The following PNLIPRP3 variants were observed in gnomAD, a reference collection of about 807,000 sequenced individuals.
The protein encoded by PNLIPRP3 is pancreatic lipase related protein 3, also known as pancreatic lipase-related protein 3.
PNLIPRP3 carries 58 observed loss-of-function variants against 52.8 expected under a neutral mutation model. That is an observed-to-expected ratio of 1.10 (90% confidence interval 0.89 to 1.37). PNLIPRP3 has a LOEUF of 1.37. Ranked by LOEUF, PNLIPRP3 falls within the 40% of genes most tolerant of loss-of-function variation. The pLI is 0.00. For synonymous variants in PNLIPRP3, 192 were observed against 185.0 expected (o/e 1.04, Z -0.31); for missense variants, 593 against 561.6 (o/e 1.06, Z -0.57).
chr10:116,434,282 T>G (rs1845747427), intron 1 of PNLIPRP3, among the ~76,000 whole-genome samples: 1 of 152,152 alleles, frequency 6.6e-6, no homozygotes, highest in Admixed American at 6.5e-5. Context: ...CCATTAATAT[T>G]TTGGTACCTT....
intron 5 of PNLIPRP3, among the ~76,000 whole-genome samples, chr10:116,458,993 C>T (rs1222635778): frequency 1.3e-5 from 2 of 152,118 alleles, no homozygotes; most frequent in Non-Finnish European, 2.9e-5. Context: ...TTTTGTGGAA[C>T]TCTATCAGAC....
intron 1 of PNLIPRP3, among the ~76,000 whole-genome samples, chr10:116,431,294 G>T (rs1845706245): frequency 6.6e-6 from 1 of 152,206 alleles, no homozygotes; most frequent in East Asian, 1.9e-4. Flanking sequence ...TCTGCTCAGA[G>T]CCCTCCAGTG....
intron 10 of PNLIPRP3, among the ~76,000 whole-genome samples, chr10:116,475,902 C>CA (rs1564707178): frequency 1.3e-5 from 2 of 151,736 alleles, no homozygotes; most frequent in African/African-American, 4.8e-5. Flanking sequence ...ACCAACACAA[C>CA]AAAAAAAGGG....
chr10:116,467,623 A>G (rs1252947096), intron 8 of PNLIPRP3, among the ~76,000 whole-genome samples: 1 of 152,106 alleles, frequency 6.6e-6, no homozygotes, highest in Non-Finnish European at 1.5e-5. Context: ...TCCTTCCCCT[A>G]AGGCAGAGTT....
At chr10:116,443,795 GTGTGTGCATA>G (rs1487517854) in intron 3 of PNLIPRP3, among the ~76,000 whole-genome samples, 4 of 11,252 alleles carry the variant, frequency 3.6e-4, no homozygotes, top group African/African-American at 5.5e-4. Flanking sequence ...GTATGTATGT[GTGTGTGCATA>G]TATATATATA....
In PNLIPRP3 at chr10:116,444,733, G is replaced by A. The variant is rs1038954298; in HGVS notation, c.456+220G>A. Among the ~76,000 whole-genome samples, 3 of 152,210 alleles carry A rather than the reference G, an allele frequency of 2.0e-5. No individual in the cohort carries two copies. The South Asian group carries it at 6.2e-4, about 32-fold the overall frequency. ...CACTAGGTGGCAGTGTGTCTACACA[G>A]GCTCATCACTAAAAACTGCCCCCGC... On this transcript the variant is annotated intron_variant, in intron 4 of 11. Transcript: ENST00000369230.
At position 116,455,804 on chromosome 10, in the gene PNLIPRP3, G is replaced by T. The variant is rs1244911052; in HGVS notation, c.539G>T (p.Arg180Met). ...GAHLAGEAGS[R>M]IPGLGRITGL... Reference sequence around the variant, plus strand: ...CACCTGGCTGGGGAAGCTGGGTCAAGGATACCAGGCCTTGGAAGAATAACT... The same window carrying T: ...CACCTGGCTGGGGAAGCTGGGTCAATGATACCAGGCCTTGGAAGAATAACT... The change falls in exon 5 of 12, where the codon AGG becomes ATG. Residue 180 changes from arginine to methionine, a missense_variant. Physicochemically the swap from Arg to Met is moderately conservative, Grantham distance 91. Transcript: ENST00000369230. 2 of 1,613,930 alleles carry T rather than the reference G, an allele frequency of 1.2e-6. No homozygotes were observed. The highest frequency in any genetic ancestry group is 1.7e-6 in the Non-Finnish European group (2 of 1,179,928).
At chr10:116,449,767 T>C (rs1846009017) in intron 4 of PNLIPRP3, among the ~76,000 whole-genome samples, 1 of 152,152 alleles carries the variant, frequency 6.6e-6, no homozygotes, top group Non-Finnish European at 1.5e-5. Context: ...CACATGTGCA[T>C]AGAATATTTC....
intron 4 of PNLIPRP3, among the ~76,000 whole-genome samples, chr10:116,446,752 G>T (rs1845958854): frequency 6.6e-6 from 1 of 152,124 alleles, no homozygotes; most frequent in South Asian, 2.1e-4. Context: ...TACATCCTGG[G>T]TAAATATAAA....
intron 8 of PNLIPRP3, among the ~76,000 whole-genome samples, chr10:116,468,543 A>G (rs1168670806): frequency 2.0e-5 from 3 of 152,326 alleles, no homozygotes; most frequent in East Asian, 3.9e-4. Context: ...ATGTTAATGC[A>G]TAATAGCCAA....
chr10:116,452,204 CAGA>C (rs1202850809), intron 4 of PNLIPRP3, among the ~76,000 whole-genome samples: 20 of 152,296 alleles, frequency 1.3e-4, no homozygotes, highest in Middle Eastern at 3.4e-3. Flanking sequence ...AGGTATCTAG[CAGA>C]AGAAGTTTCT....
chr10:116,450,023 G>C (rs943118668), intron 4 of PNLIPRP3, among the ~76,000 whole-genome samples: 1 of 152,062 alleles, frequency 6.6e-6, no homozygotes, highest in African/African-American at 2.4e-5. Context: ...TAAATCAAAA[G>C]AGAAATTATA....
At chr10:116,467,848 G>A (rs181966505) in intron 8 of PNLIPRP3, among the ~76,000 whole-genome samples, 51 of 152,048 alleles carry the variant, frequency 3.4e-4, no homozygotes, top group African/African-American at 9.4e-4. Flanking sequence ...AATGTCGGCC[G>A]GGCGCGGTGG....
intron 5 of PNLIPRP3, among the ~76,000 whole-genome samples, chr10:116,459,635 A>G (rs1010887931): frequency 1.3e-5 from 2 of 152,100 alleles, no homozygotes; most frequent in African/African-American, 2.4e-5. Flanking sequence ...GCCTTAGCAA[A>G]CTAGTTACAG....
intron 9 of PNLIPRP3, 27 bp from the exon 10 acceptor site, chr10:116,471,741 C>T: frequency 1.3e-6 from 2 of 1,519,938 alleles, no homozygotes; most frequent in Non-Finnish European, 1.8e-6. Context: ...CTTTCTCTCC[C>T]TTTCCTTCTT....
At chr10:116,455,649 C>A (rs1478993189) in intron 4 of PNLIPRP3, 73 bp from the exon 5 acceptor site, 41 of 859,046 alleles carry the variant, frequency 4.8e-5, no homozygotes, top group Non-Finnish European at 6.4e-5. Flanking sequence ...TTTTTTTTTT[C>A]TATTTTTAAA....
intron 3 of PNLIPRP3, 38 bp from the exon 4 acceptor site, chr10:116,444,344 A>G (rs531872204): frequency 6.6e-7 from 1 of 1,520,332 alleles, no homozygotes; most frequent in African/African-American, 1.4e-5. Context: ...TTCCTTGAAC[A>G]CTTATTTATT....
intron 1 of PNLIPRP3, among the ~76,000 whole-genome samples, chr10:116,430,201 C>CA (rs1845690129): frequency 6.6e-6 from 1 of 152,172 alleles, no homozygotes; most frequent in African/African-American, 2.4e-5. Flanking sequence ...GCTGGATAGA[C>CA]ACGCTGGGAG....
At chr10:116,441,594 A>C (rs1845859177) in intron 2 of PNLIPRP3, among the ~76,000 whole-genome samples, 1 of 152,162 alleles carries the variant, frequency 6.6e-6, no homozygotes, top group Admixed American at 6.5e-5. Flanking sequence ...GAAGGCCTGA[A>C]GATGATTGAT....
Sources: gnomAD v4.1 joint callset for allele counts (sites outside exome capture counted in the v4.1 genomes callset) on GRCh38, gnomAD v4.1.1 for gene constraint, MANE v1.5 for transcripts, NCBI Gene and HGNC (gene_info 2026-07-23, HGNC 2026-07-21) for gene names.